CSMD3: variants seen among roughly 807,000 people sequenced by gnomAD.
CSMD3 encodes the protein CUB and Sushi multiple domains 3, also known as CUB and sushi domain-containing protein 3.
Under a neutral mutation model 435.2 loss-of-function variants are expected in CSMD3, and 177 were observed. The ratio of observed to expected loss-of-function variants is 0.41; its 90% CI spans 0.36 to 0.46. CSMD3 has a LOEUF of 0.46. CSMD3 is among the 20% of genes least tolerant of loss of function. The pLI is 0.34. For synonymous variants in CSMD3, 1,656 were observed against 1,520.5 expected (o/e 1.09, Z -2.07); for missense variants, 4,265 against 4,504.6 (o/e 0.95, Z 1.52).
intron 3 of CSMD3, among the ~76,000 whole-genome samples, chr8:113,237,310 T>C (rs943584019): frequency 3.3e-5 from 5 of 152,096 alleles, no homozygotes; most frequent in African/African-American, 1.2e-4. Context: ...AAATGAAAAA[T>C]GGTCAACAGT....
At chr8:112,793,693 A>AC (rs573456095) in intron 13 of CSMD3, among the ~76,000 whole-genome samples, 149 of 152,274 alleles carry the variant, frequency 9.8e-4, no homozygotes, top group Non-Finnish European at 1.6e-3. Context: ...TGAGGTACGG[A>AC]AATAGCTGGA....
At chr8:113,287,918 A>G (rs1410928283) in intron 2 of CSMD3, among the ~76,000 whole-genome samples, 1 of 151,952 alleles carries the variant, frequency 6.6e-6, no homozygotes, top group Admixed American at 6.6e-5. Flanking sequence ...TTATTATTAA[A>G]AGAATTCCTG....
intron 52 of CSMD3, among the ~76,000 whole-genome samples, chr8:112,302,569 C>T (rs779474739): frequency 2.8e-4 from 43 of 151,908 alleles, no homozygotes; most frequent in Non-Finnish European, 4.6e-4. Flanking sequence ...CTTATGACTT[C>T]TTCATATTTG....
intron 13 of CSMD3, among the ~76,000 whole-genome samples, chr8:112,771,810 T>C (rs2078123026): frequency 6.6e-6 from 1 of 151,950 alleles, no homozygotes; most frequent in South Asian, 2.1e-4. Context: ...ACCATAAACA[T>C]TGTTCATGAA....
At chr8:112,459,674 C>T (rs1817246294) in intron 32 of CSMD3, among the ~76,000 whole-genome samples, 1 of 152,070 alleles carries the variant, frequency 6.6e-6, no homozygotes, top group South Asian at 2.1e-4. Context: ...CATTAGGTAG[C>T]CTCAGCCTAG....
chr8:112,890,584 G>C (rs1469528104), intron 10 of CSMD3, among the ~76,000 whole-genome samples: 1 of 151,646 alleles, frequency 6.6e-6, no homozygotes, highest in Non-Finnish European at 1.5e-5. Flanking sequence ...AACTACCTGG[G>C]AATTCTACAG....
At chr8:112,411,066 C>T (rs1308775557) in intron 32 of CSMD3, among the ~76,000 whole-genome samples, 4 of 148,934 alleles carry the variant, frequency 2.7e-5, no homozygotes, top group Non-Finnish European at 4.5e-5. Flanking sequence ...TTTAAAACAA[C>T]TAAAATACAC....
chr8:113,289,309 T>A lies in CSMD3; in HGVS notation c.402-10605A>T, dbSNP rs79859572. ...CTTGACGCACTACATTATTGATAGC[T>A]ATAACAAACTTGGAGTATTTGGGAT... On this transcript the variant is annotated intron_variant, in intron 2 of 70. Transcript: ENST00000297405. Among the ~76,000 whole-genome samples, 95 of 151,962 alleles carry A rather than the reference T, an allele frequency of 6.3e-4. 1 individual carries two copies. In the East Asian group the frequency reaches 0.015, roughly 24 times the overall value.
In CSMD3 at chr8:113,017,386, T is replaced by C. The variant is rs371523542; in HGVS notation, c.1030+1681A>G. On this transcript the variant is annotated intron_variant, in intron 6 of 70. Coordinates refer to ENST00000297405, the MANE Select transcript of CSMD3 (RefSeq NM_198123.2). ...ACCCTATCTGAAGGTACCAGCTCCA[T>C]GAAATCATATTGCACAAAACAAATG... Among the ~76,000 whole-genome samples, 3 of 152,134 alleles carry C rather than the reference T, an allele frequency of 2.0e-5. 1 individual carries two copies. In the East Asian group the frequency reaches 5.8e-4, roughly 29 times the overall value.
chr8:112,617,310 C>A (rs1833735707), intron 22 of CSMD3, among the ~76,000 whole-genome samples: 1 of 152,080 alleles, frequency 6.6e-6, no homozygotes, highest in Non-Finnish European at 1.5e-5. Flanking sequence ...CTTATTTGGG[C>A]AAAATATTGG....
In CSMD3 at chr8:112,671,954, G is replaced by A. The variant is rs1407080175; in HGVS notation, c.2678-5539C>T. On this transcript the variant is annotated intron_variant, in intron 16 of 70. Coordinates refer to ENST00000297405, the MANE Select transcript of CSMD3 (RefSeq NM_198123.2). ...TTTTAATTAATTAAATAAACATTTA[G>A]TTTCTGCTACTATGTCTAAGATACT... Among the ~76,000 whole-genome samples the A allele has an allele frequency of 4.6e-5, 7 of 151,936 alleles. No individual in the cohort carries two copies. In the South Asian group the frequency reaches 1.5e-3, roughly 32 times the overall value.
At chr8:112,280,438 G>T (rs1306767841) in intron 59 of CSMD3, among the ~76,000 whole-genome samples, 1 of 151,518 alleles carries the variant, frequency 6.6e-6, no homozygotes, top group Non-Finnish European at 1.5e-5. Context: ...ACTTGACTAA[G>T]TTTTGTATTT....
chr8:112,539,464 T>C (rs759517884), intron 27 of CSMD3: 1 of 151,940 alleles, frequency 6.6e-6, no homozygotes, highest in African/African-American at 2.4e-5. Flanking sequence ...CTAAAGCAAT[T>C]TGGGAGCAAA....
At chr8:113,175,226 T>C (rs1353607033) in intron 3 of CSMD3, among the ~76,000 whole-genome samples, 1 of 151,798 alleles carries the variant, frequency 6.6e-6, no homozygotes, top group African/African-American at 2.4e-5. Flanking sequence ...TGCCTAAACT[T>C]TTCAAAGCAA....
chr8:113,145,789 T>C (rs953067113), intron 4 of CSMD3, among the ~76,000 whole-genome samples: 1 of 151,650 alleles, frequency 6.6e-6, no homozygotes, highest in African/African-American at 2.4e-5. Flanking sequence ...GATGTCTTTA[T>C]GGATAAATGA....
intron 45 of CSMD3, among the ~76,000 whole-genome samples, chr8:112,333,014 T>C (rs532845771): frequency 2.6e-5 from 4 of 152,286 alleles, no homozygotes; most frequent in African/African-American, 9.6e-5. Context: ...TTGGAATAAA[T>C]TATACATATA....
chr8:112,662,786 T>C (rs982514514), intron 17 of CSMD3, among the ~76,000 whole-genome samples: 9 of 151,774 alleles, frequency 5.9e-5, no homozygotes, highest in Admixed American at 5.9e-4. Context: ...TGACAAAGGG[T>C]TAATATCCAG....
At chr8:113,175,591 C>G (rs1052135314) in intron 3 of CSMD3, among the ~76,000 whole-genome samples, 1 of 151,814 alleles carries the variant, frequency 6.6e-6, no homozygotes, top group South Asian at 2.1e-4. Context: ...GAATTTTGAG[C>G]AACTTTTAAA....
chr8:112,686,682 C>T (rs1041194683), intron 14 of CSMD3, among the ~76,000 whole-genome samples: 2 of 151,840 alleles, frequency 1.3e-5, no homozygotes, highest in African/African-American at 2.4e-5. Flanking sequence ...GATGGGGTTT[C>T]GCCATATTGG....
Sources: allele counts gnomAD v4.1 joint callset (sites outside exome capture counted in the v4.1 genomes callset), GRCh38; gene constraint gnomAD v4.1.1; transcripts MANE v1.5; gene names NCBI Gene and HGNC (gene_info 2026-07-23, HGNC 2026-07-21).